Variants in EYA2 observed in about 807,000 individuals in gnomAD.
The protein encoded by EYA2 is protein phosphatase EYA2.
Under a neutral mutation model 69.2 loss-of-function variants are expected in EYA2, and 31 were observed. The ratio of observed to expected loss-of-function variants is 0.45; its 90% CI spans 0.34 to 0.60. EYA2 has a LOEUF of 0.60. Ranked by LOEUF, EYA2 falls within the 20% of genes least tolerant of loss-of-function variation. The pLI, the probability that EYA2 is intolerant of heterozygous loss-of-function variation, is 0.02. For missense variants in EYA2, 622 were observed against 701.2 expected (o/e 0.89, Z 1.28); for synonymous variants, 257 against 279.4 (o/e 0.92, Z 0.80).
intron 10 of EYA2, among the ~76,000 whole-genome samples, chr20:47,165,383 T>C (rs1318202759): frequency 1.3e-5 from 2 of 151,980 alleles, no homozygotes; most frequent in Non-Finnish European, 2.9e-5. Context: ...GGCTCAAGAG[T>C]GGTCACTCAG....
chr20:46,943,231 A>G (rs1259433897), intron 1 of EYA2, among the ~76,000 whole-genome samples: 1 of 152,160 alleles, frequency 6.6e-6, no homozygotes, highest in Non-Finnish European at 1.5e-5. Flanking sequence ...CAAACATCCT[A>G]CGATGCACAG....
intron 1 of EYA2, among the ~76,000 whole-genome samples, chr20:46,962,680 A>G (rs998340500): frequency 6.6e-6 from 1 of 152,004 alleles, no homozygotes; most frequent in South Asian, 2.1e-4. Context: ...GTGGGTGAGG[A>G]TTTCCTCTGG....
At chr20:47,051,227 C>T (rs544648771) in intron 5 of EYA2, among the ~76,000 whole-genome samples, 3 of 152,370 alleles carry the variant, frequency 2.0e-5, no homozygotes, top group Admixed American at 6.5e-5. Flanking sequence ...AGTGTATGCA[C>T]GGTGCACGTG....
chr20:47,055,455 T>G (rs1184407678), intron 5 of EYA2, among the ~76,000 whole-genome samples: 1 of 152,160 alleles, frequency 6.6e-6, no homozygotes, highest in Non-Finnish European at 1.5e-5. Context: ...CTCCCCTGTT[T>G]AAAAGCCTTT....
At chr20:47,165,419 G>A (rs966330847) in intron 10 of EYA2, among the ~76,000 whole-genome samples, 6 of 152,298 alleles carry the variant, frequency 3.9e-5, no homozygotes, top group Admixed American at 3.9e-4. Context: ...CCACTTCCCA[G>A]TGAGTTTCTC....
At chr20:47,169,040 C>T (rs759970879) in intron 10 of EYA2, 99 bp from the exon 11 acceptor site, 2 of 1,066,902 alleles carry the variant, frequency 1.9e-6, no homozygotes, top group Non-Finnish European at 2.9e-6. Context: ...GTGCAGTGCT[C>T]ATCCCAGCCC....
intron 1 of EYA2, among the ~76,000 whole-genome samples, chr20:46,935,862 T>C (rs1039415475): frequency 4.6e-5 from 7 of 152,064 alleles, no homozygotes; most frequent in African/African-American, 1.7e-4. Flanking sequence ...AACATCATAA[T>C]AATAAGTATT....
At chr20:47,100,898 G>C (rs886910978) in intron 9 of EYA2, among the ~76,000 whole-genome samples, 1 of 152,218 alleles carries the variant, frequency 6.6e-6, no homozygotes, top group Non-Finnish European at 1.5e-5. Context: ...GGAAACTGCT[G>C]TGCAGCACCA....
At chr20:47,102,321 G>T (rs1414261522) in intron 9 of EYA2, among the ~76,000 whole-genome samples, 1 of 152,210 alleles carries the variant, frequency 6.6e-6, no homozygotes, top group Non-Finnish European at 1.5e-5. Context: ...GAAAGGAGGG[G>T]CAGATCAGCT....
intron 7 of EYA2, among the ~76,000 whole-genome samples, chr20:47,082,784 A>T (rs1203082802): frequency 1.3e-5 from 2 of 152,246 alleles, no homozygotes; most frequent in African/African-American, 4.8e-5. Context: ...GTAGAGAAGA[A>T]CAAAGTTAGA....
At chr20:47,132,001 C>G (rs1004342001) in intron 9 of EYA2, among the ~76,000 whole-genome samples, 1 of 152,220 alleles carries the variant, frequency 6.6e-6, no homozygotes, top group Non-Finnish European at 1.5e-5. Context: ...GGGTCTCACT[C>G]TGTTGCCCAG....
At chr20:47,172,108 A>T (rs6066221) in intron 11 of EYA2, among the ~76,000 whole-genome samples, 5,126 of 149,576 alleles carry the variant, frequency 0.034, 261 homozygotes, top group East Asian at 0.18. Flanking sequence ...CAAAATAAAT[A>T]AAAAAAAATA....
chr20:47,051,896 TC>T (rs2030354640), intron 5 of EYA2, among the ~76,000 whole-genome samples: 1 of 152,234 alleles, frequency 6.6e-6, no homozygotes, highest in Admixed American at 6.5e-5. Flanking sequence ...AGCTCGGGGC[TC>T]AGCATAGTGC....
At chr20:47,088,579 G>T (rs1474024103) in intron 7 of EYA2, among the ~76,000 whole-genome samples, 6 of 152,034 alleles carry the variant, frequency 3.9e-5, no homozygotes, top group Non-Finnish European at 8.8e-5. Flanking sequence ...CACCCTGATT[G>T]ATTGAATACT....
At chr20:46,955,526 C>G (rs1379593576) in intron 1 of EYA2, among the ~76,000 whole-genome samples, 1 of 152,132 alleles carries the variant, frequency 6.6e-6, no homozygotes, top group African/African-American at 2.4e-5. Context: ...TATCATAGAG[C>G]AATAAAATGA....
intron 5 of EYA2, among the ~76,000 whole-genome samples, chr20:47,050,981 G>A (rs1460172336): frequency 1.3e-5 from 2 of 152,234 alleles, no homozygotes; most frequent in East Asian, 3.9e-4. Context: ...TCATTTTGGT[G>A]AGCCCTTGAC....
chr20:47,125,248 G>A (rs553298003), intron 9 of EYA2, among the ~76,000 whole-genome samples: 1 of 151,780 alleles, frequency 6.6e-6, no homozygotes, highest in Non-Finnish European at 1.5e-5. Context: ...GTAGAGATGG[G>A]GTTTCACTGT....
intron 15 of EYA2, among the ~76,000 whole-genome samples, chr20:47,184,592 AT>A (rs11472093): frequency 8.7e-4 from 127 of 145,908 alleles, no homozygotes; most frequent in Non-Finnish European, 1.2e-3. Flanking sequence ...AATTTTTTGT[AT>A]TTTTTTTTTT....
chr20:47,043,833 G>A (rs920646047), intron 5 of EYA2, among the ~76,000 whole-genome samples: 10 of 152,164 alleles, frequency 6.6e-5, no homozygotes, highest in Admixed American at 2.0e-4. Flanking sequence ...AATAGAAGCT[G>A]ACACCTTCCC....
Sources: allele counts gnomAD v4.1 joint callset (sites outside exome capture counted in the v4.1 genomes callset), GRCh38; gene constraint gnomAD v4.1.1; transcripts MANE v1.5; gene names NCBI Gene and HGNC (gene_info 2026-07-23, HGNC 2026-07-21).